Variants in LUZP2 observed in about 807,000 individuals in gnomAD.
LUZP2 encodes the protein leucine zipper protein 2.
A neutral mutation model predicts 51.6 loss-of-function variants in LUZP2; 52 were observed. The ratio of observed to expected loss-of-function variants is 1.01; its 90% CI spans 0.81 to 1.27. The LOEUF is 1.27. Among genes scored for constraint, LUZP2 ranks in the 50% most tolerant of loss-of-function variants. LUZP2 has a pLI of 0.00. For missense variants in LUZP2, 436 were observed against 395.4 expected, an observed-to-expected ratio of 1.10 and a Z score of -0.87; for synonymous variants, 154 against 137.3, an observed-to-expected ratio of 1.12 and a Z score of -0.85.
chr11:24,562,816 C>G (rs1852091808), intron 1 of LUZP2, among the ~76,000 whole-genome samples: 2 of 148,492 alleles, frequency 1.3e-5, no homozygotes, highest in Non-Finnish European at 3.0e-5. Flanking sequence ...GAGCCGAGAT[C>G]ACGCCACTGC....
chr11:24,657,214 A>G (rs189894042), intron 1 of LUZP2, among the ~76,000 whole-genome samples: 1 of 152,286 alleles, frequency 6.6e-6, no homozygotes, highest in Admixed American at 6.5e-5. Flanking sequence ...AGATGTTAGA[A>G]GTTATAGCAG....
chr11:24,733,733 T>TATA (rs1491344128), intron 3 of LUZP2, among the ~76,000 whole-genome samples: 72 of 151,558 alleles, frequency 4.8e-4, no homozygotes, highest in African/African-American at 1.4e-3. Flanking sequence ...AATAATAAAC[T>TATA]GTATTTTTTA....
chr11:24,618,367 A>G (rs1490188768), intron 1 of LUZP2, among the ~76,000 whole-genome samples: 1 of 152,104 alleles, frequency 6.6e-6, no homozygotes, highest in Non-Finnish European at 1.5e-5. Flanking sequence ...CTCTTATATT[A>G]CCATATTTCC....
intron 4 of LUZP2, among the ~76,000 whole-genome samples, chr11:24,748,185 G>T (rs1859447395): frequency 6.6e-6 from 1 of 152,094 alleles, no homozygotes; most frequent in South Asian, 2.1e-4. Context: ...GGCAGGAATG[G>T]CCTGCTTGGG....
At chr11:24,715,982 C>G (rs1565095227) in intron 1 of LUZP2, among the ~76,000 whole-genome samples, 1 of 151,876 alleles carries the variant, frequency 6.6e-6, no homozygotes, top group African/African-American at 2.4e-5. Flanking sequence ...AAATTATGAA[C>G]CTACTTTCTT....
At chr11:24,718,563 A>C (rs1858144276) in intron 1 of LUZP2, among the ~76,000 whole-genome samples, 1 of 142,596 alleles carries the variant, frequency 7.0e-6, no homozygotes, top group African/African-American at 2.4e-5. Context: ...GGTTTGGGGA[A>C]TTTCTTAACC....
At chr11:25,003,451 G>C (rs1361889727) in intron 9 of LUZP2, among the ~76,000 whole-genome samples, 1 of 152,194 alleles carries the variant, frequency 6.6e-6, no homozygotes, top group Non-Finnish European at 1.5e-5. Context: ...AGAGAGCAGG[G>C]TATAGGGGTG....
chr11:24,566,594 GTA>G (rs199745442), intron 1 of LUZP2, among the ~76,000 whole-genome samples: 8 of 130,696 alleles, frequency 6.1e-5, no homozygotes, highest in Admixed American at 1.6e-4. Context: ...ATGTATGTGT[GTA>G]TATATATATG....
At chr11:24,518,101 G>T (rs1315384057) in intron 1 of LUZP2, among the ~76,000 whole-genome samples, 3 of 152,016 alleles carry the variant, frequency 2.0e-5, no homozygotes, top group Non-Finnish European at 4.4e-5. Context: ...TTAATCAGCT[G>T]TTATTAATGA....
intron 6 of LUZP2, among the ~76,000 whole-genome samples, chr11:24,909,058 G>A (rs1255257778): frequency 6.6e-6 from 1 of 151,838 alleles, no homozygotes; most frequent in African/African-American, 2.4e-5. Context: ...ACCGCACCCA[G>A]CCAGGATTTT....
intron 10 of LUZP2, among the ~76,000 whole-genome samples, chr11:25,050,599 T>C (rs1858478084): frequency 6.6e-6 from 1 of 152,120 alleles, no homozygotes; most frequent in East Asian, 1.9e-4. Flanking sequence ...CCACTGAGCC[T>C]GGCCGTAAAT....
chr11:24,968,720 C>T (rs181091483), intron 7 of LUZP2, among the ~76,000 whole-genome samples: 4 of 152,306 alleles, frequency 2.6e-5, no homozygotes, highest in Admixed American at 1.3e-4. Context: ...TGCCCTGTCC[C>T]GCATATTGTA....
chr11:25,008,135 G>A (rs1373895372), intron 9 of LUZP2, among the ~76,000 whole-genome samples: 2 of 152,316 alleles, frequency 1.3e-5, no homozygotes, highest in Non-Finnish European at 2.9e-5. Context: ...TGACTACTGG[G>A]CTTGCTCTGC....
chr11:24,983,842 G>GT (rs1474466298), intron 9 of LUZP2, among the ~76,000 whole-genome samples: 4 of 146,158 alleles, frequency 2.7e-5, no homozygotes, highest in Non-Finnish European at 4.5e-5. Flanking sequence ...TTAGACTCCA[G>GT]TTATCAGTAA....
At chr11:25,077,761 G>A (rs553049867) in intron 11 of LUZP2, among the ~76,000 whole-genome samples, 1 of 152,246 alleles carries the variant, frequency 6.6e-6, no homozygotes, top group Non-Finnish European at 1.5e-5. Context: ...CTCCCAAAGT[G>A]CTGGGATTAC....
At chr11:24,958,020 C>T (rs573490728) in intron 7 of LUZP2, among the ~76,000 whole-genome samples, 42 of 152,170 alleles carry the variant, frequency 2.8e-4, no homozygotes, top group African/African-American at 6.0e-4. Flanking sequence ...TTTGTTCTTG[C>T]GATAGTTTAC....
At chr11:24,656,904 A>C (rs534048372) in intron 1 of LUZP2, among the ~76,000 whole-genome samples, 38 of 152,276 alleles carry the variant, frequency 2.5e-4, no homozygotes, top group Admixed American at 6.5e-4. Flanking sequence ...ATTCAGGGTA[A>C]TCTCTTTATC....
At chr11:24,645,865 A>G in intron 1 of LUZP2, among the ~76,000 whole-genome samples, 1 of 149,176 alleles carries the variant, frequency 6.7e-6, no homozygotes, top group African/African-American at 2.5e-5. Flanking sequence ...GTGTGTGTGT[A>G]TCCTTAAAAT....
chr11:24,617,785 C>A (rs1854338182), intron 1 of LUZP2, among the ~76,000 whole-genome samples: 1 of 151,920 alleles, frequency 6.6e-6, no homozygotes, highest in South Asian at 2.1e-4. Context: ...GAGATTGCAC[C>A]ACTACACTCC....
Sources: gnomAD v4.1 joint callset for allele counts (sites outside exome capture counted in the v4.1 genomes callset) on GRCh38, gnomAD v4.1.1 for gene constraint, MANE v1.5 for transcripts, NCBI Gene and HGNC (gene_info 2026-07-23, HGNC 2026-07-21) for gene names.